ABCC4: variants seen among roughly 807,000 people sequenced by gnomAD.
ABCC4 encodes the protein ATP binding cassette subfamily C member 4 (PEL blood group).
Under a neutral mutation model 168.5 loss-of-function variants are expected in ABCC4, and 102 were observed. The observed-to-expected ratio is 0.61, with a 90% CI of 0.52 to 0.71. The LOEUF is 0.71. Ranked by LOEUF, ABCC4 falls within the 30% of genes least tolerant of loss-of-function variation. The pLI, the probability that ABCC4 is intolerant of heterozygous loss-of-function variation, is 0.00. For missense variants in ABCC4, 1,402 were observed against 1,605.8 expected (o/e 0.87, Z 2.17); for synonymous variants, 617 against 590.7 (o/e 1.04, Z -0.65).
intron 1 of ABCC4, among the ~76,000 whole-genome samples, chr13:95,298,024 C>T (rs751013514): frequency 1.6e-4 from 25 of 152,140 alleles, no homozygotes; most frequent in Non-Finnish European, 3.7e-4. Flanking sequence ...CACAGTGGCT[C>T]ATGCCTGTAA....
chr13:95,192,024 G>T (rs1464030522), intron 9 of ABCC4, among the ~76,000 whole-genome samples: 1 of 152,202 alleles, frequency 6.6e-6, no homozygotes, highest in Admixed American at 6.5e-5. Flanking sequence ...GGCAGACTGA[G>T]CCCCCACTCT....
intron 16 of ABCC4, 69 bp from the exon 17 acceptor site, chr13:95,163,716 T>A: frequency 2.3e-6 from 3 of 1,314,020 alleles, no homozygotes; most frequent in Non-Finnish European, 3.3e-6. Context: ...AAACTCTCAA[T>A]CGCTAACATG....
rs72377318 is a variant in ABCC4 at position 95,244,670 on chromosome 13, A to AAAGAAAGAAAGAAAGAAATCAATC, written c.306+2304_306+2305insGATTGATTTCTTTCTTTCTTTCTT. ...GAAAGAAAGAAAGAAAGAAAGAAAG[A>AAAGAAAGAAAGAAAGAAATCAATC]AATCATAGCAGTTCCTGGTACATAG... On this transcript the variant is annotated intron_variant, in intron 3 of 30. Coordinates refer to ENST00000645237, the MANE Select transcript of ABCC4 (RefSeq NM_005845.5). Among the ~76,000 whole-genome samples the AAAGAAAGAAAGAAAGAAATCAATC allele has an allele frequency of 1.2e-4, 13 of 106,460 alleles. 1 individual carries two copies. Among genetic ancestry groups the AAAGAAAGAAAGAAAGAAATCAATC allele is most frequent in the East Asian group, 1.0e-3 (4 of 3,966 alleles). 69.8% of individuals were successfully genotyped at this position (106,460 alleles called of 152,430 possible).
chr13:95,103,224 C>T (rs561618755), intron 20 of ABCC4, among the ~76,000 whole-genome samples: 88 of 152,214 alleles, frequency 5.8e-4, no homozygotes, highest in African/African-American at 1.8e-3. Flanking sequence ...GAGATCACGC[C>T]ACTGCACTCC....
chr13:95,299,693 A>C (rs1254777842), intron 1 of ABCC4, among the ~76,000 whole-genome samples: 2 of 152,104 alleles, frequency 1.3e-5, no homozygotes, highest in Non-Finnish European at 2.9e-5. Context: ...CCCCCACCCT[A>C]GGTTGTCCCA....
chr13:95,043,921 A>G (rs2032469433), intron 28 of ABCC4, 134 bp from the exon 29 acceptor site: 1 of 638,404 alleles, frequency 1.6e-6, no homozygotes, highest in African/African-American at 1.8e-5. Context: ...ATCATGTTAA[A>G]ATGTTTTAGG....
At chr13:95,120,341 T>C (rs1594128566) in intron 19 of ABCC4, among the ~76,000 whole-genome samples, 1 of 151,758 alleles carries the variant, frequency 6.6e-6, no homozygotes. Flanking sequence ...CTGAGGCAGG[T>C]GGGTCACGAG....
At chr13:95,169,999 A>G (rs949731566) in intron 14 of ABCC4, among the ~76,000 whole-genome samples, 6 of 152,090 alleles carry the variant, frequency 3.9e-5, no homozygotes, top group African/African-American at 1.4e-4. Flanking sequence ...TGGGACTACA[A>G]GTGTGCACCA....
intron 26 of ABCC4, among the ~76,000 whole-genome samples, chr13:95,054,960 C>A (rs1245047395): frequency 6.6e-6 from 1 of 152,150 alleles, no homozygotes; most frequent in African/African-American, 2.4e-5. Flanking sequence ...AAACATAAGT[C>A]CTCAGCAAAA....
At chr13:95,242,304 T>C (rs959568423) in intron 3 of ABCC4, among the ~76,000 whole-genome samples, 1 of 151,936 alleles carries the variant, frequency 6.6e-6, no homozygotes, top group South Asian at 2.1e-4. Context: ...CTCAGCTCAC[T>C]GCAACCTCCA....
chr13:95,106,429 T>C (rs1287561171), intron 20 of ABCC4, among the ~76,000 whole-genome samples: 1 of 151,256 alleles, frequency 6.6e-6, no homozygotes, highest in Non-Finnish European at 1.5e-5. Flanking sequence ...TCTCAATCGA[T>C]TAGAGGTTTA....
chr13:95,201,279 GA>G (rs1302113463), intron 8 of ABCC4, among the ~76,000 whole-genome samples: 2 of 151,926 alleles, frequency 1.3e-5, no homozygotes, highest in East Asian at 3.9e-4. Context: ...ATTTTGGTGG[GA>G]AAAAAATAAA....
Position 95,244,596 on chromosome 13 carries a change from TGAAAGAAAGAAA to T in ABCC4, c.306+2367_306+2378del, listed in dbSNP as rs58076935. 9.7e-3 allele frequency among the ~76,000 whole-genome samples: 341 copies of T among 34,992 alleles called. 12 individuals carry two copies. The highest frequency in any genetic ancestry group is 0.016 in the African/African-American group (95 of 5,788). 23.0% of individuals were successfully genotyped at this position (34,992 alleles called of 152,430 possible). On this transcript the variant is annotated intron_variant, in intron 3 of 30. Transcript: ENST00000645237. ...AAAAACAAAATAAAATAAAATAACA[TGAAAGAAAGAAA>T]GAAAGAAAGAAAGAAAGAAAGAAAG...
In ABCC4 at chr13:95,287,990, C is replaced by T. The variant is rs147787495; in HGVS notation, c.74+13251G>A. 9.7e-4 allele frequency among the ~76,000 whole-genome samples: 147 copies of T among 152,042 alleles called. 2 individuals are homozygous for T. The East Asian group carries it at 0.021, about 22-fold the overall frequency. On this transcript the variant is annotated intron_variant, in intron 1 of 30. Transcript: ENST00000645237. ...CCGGGAGACGGAGGTTGCAGTGAGC[C>T]GAAATCGCACCACTGCACTCCAGCC...
In ABCC4 at chr13:95,057,279, C is replaced by T. The variant is rs139422466; in HGVS notation, c.3367-4095G>A. On this transcript the variant is annotated intron_variant, in intron 26 of 30. Coordinates refer to ENST00000645237, the MANE Select transcript of ABCC4 (RefSeq NM_005845.5). ...TTTTTGAGACAGAGTCTCCCTCTGT[C>T]GCCAGGCTGGAGTGCAGTGGCACAA... Among the ~76,000 whole-genome samples, 1,046 of 151,818 alleles carry T rather than the reference C, an allele frequency of 6.9e-3. 11 individuals carry two copies. Among genetic ancestry groups the T allele is most frequent in the African/African-American group, 0.024 (977 of 41,384 alleles).
intron 20 of ABCC4, among the ~76,000 whole-genome samples, chr13:95,096,700 C>A (rs2034611092): frequency 6.6e-6 from 1 of 152,060 alleles, no homozygotes; most frequent in African/African-American, 2.4e-5. Context: ...AACCTAGAAT[C>A]TTCTATCTGT....
In ABCC4 at chr13:95,020,268, T is replaced by C. The variant is rs2031019320; in HGVS notation, c.*1307A>G. The C allele has an allele frequency of 6.6e-6, 1 of 152,238 alleles. No individual in the cohort carries two copies. Among genetic ancestry groups the C allele is most frequent in the African/African-American group, 2.4e-5 (1 of 41,446 alleles). 9.4% of individuals were successfully genotyped at this position (152,238 alleles called of 1,614,324 possible). On this transcript the variant is annotated 3_prime_UTR_variant, in exon 31 of 31. Coordinates refer to ENST00000645237, the MANE Select transcript of ABCC4 (RefSeq NM_005845.5). The stretch of plus-strand genomic sequence containing the variant: ...GGACAAATATATGTATACAAACAAA[T>C]GCACACGTGTGCATGTCTATATACA...
chr13:95,098,333 T>C (rs900592331), intron 20 of ABCC4, among the ~76,000 whole-genome samples: 1 of 151,954 alleles, frequency 6.6e-6, no homozygotes, highest in Non-Finnish European at 1.5e-5. Flanking sequence ...ATTAAATCAA[T>C]GTAACTTAAA....
intron 20 of ABCC4, among the ~76,000 whole-genome samples, chr13:95,100,714 T>C (rs976639432): frequency 6.8e-6 from 1 of 146,608 alleles, no homozygotes; most frequent in African/African-American, 2.8e-5. Context: ...AACTCTTTTG[T>C]TGACTTTGAA....
Sources: gnomAD v4.1 joint callset for allele counts (sites outside exome capture counted in the v4.1 genomes callset) on GRCh38, gnomAD v4.1.1 for gene constraint, MANE v1.5 for transcripts, NCBI Gene and HGNC (gene_info 2026-07-23, HGNC 2026-07-21) for gene names.